FBXL2: variants seen among roughly 807,000 people sequenced by gnomAD.
FBXL2 encodes F-box/LRR-repeat protein 2.
In FBXL2, 38 loss-of-function variants were observed where a neutral mutation model predicts 69.2. The ratio of observed to expected loss-of-function variants is 0.55; its 90% confidence interval spans 0.42 to 0.72. The LOEUF is 0.72. Among genes scored for constraint, FBXL2 ranks in the 30% least tolerant of loss-of-function variants. FBXL2 has a pLI of 0.00. For missense variants in FBXL2, 354 were observed against 520.3 expected (o/e 0.68, Z 3.11); for synonymous variants, 192 against 201.3 (o/e 0.95, Z 0.39).
chr3:33,311,892 G>T (rs939108531), intron 2 of FBXL2, among the ~76,000 whole-genome samples: 5 of 152,008 alleles, frequency 3.3e-5, no homozygotes, highest in Admixed American at 6.5e-5. Context: ...CAAAGTGCTG[G>T]GATTACAGGC....
chr3:33,343,347 T>C lies in FBXL2; in HGVS notation c.66-15620T>C, dbSNP rs1255397197. Among the ~76,000 whole-genome samples the C allele has an allele frequency of 2.0e-5, 3 of 152,214 alleles. No homozygotes were observed. The East Asian group carries it at 5.8e-4, about 29-fold the overall frequency. ...TTTTGGTATACTTTCTAATCTTAAG[T>C]ATTATTTTTATAGATTTCAGTTGCT... On this transcript the variant is annotated intron_variant, in intron 2 of 14. Coordinates refer to ENST00000484457, the MANE Select transcript of FBXL2 (RefSeq NM_012157.5).
chr3:33,383,785 A>ACT (rs2043217010), intron 13 of FBXL2: 1 of 565,300 alleles, frequency 1.8e-6, no homozygotes, highest in African/African-American at 1.9e-5. Context: ...TTGTGCTGCT[A>ACT]CTACAGACTG....
intron 2 of FBXL2, among the ~76,000 whole-genome samples, chr3:33,313,468 T>C (rs2037395785): frequency 6.6e-6 from 1 of 152,040 alleles, no homozygotes; most frequent in Non-Finnish European, 1.5e-5. Context: ...GTTTAGAGAA[T>C]AGGGTCTCAC....
intron 1 of FBXL2, among the ~76,000 whole-genome samples, chr3:33,283,434 G>A (rs146260482): frequency 6.6e-6 from 1 of 152,288 alleles, no homozygotes; most frequent in East Asian, 1.9e-4. Flanking sequence ...TTGATGTGCT[G>A]CTGGATTCAG....
At chr3:33,290,641 A>G (rs201399416) in intron 1 of FBXL2, among the ~76,000 whole-genome samples, 1 of 152,244 alleles carries the variant, frequency 6.6e-6, no homozygotes, top group East Asian at 1.9e-4. Flanking sequence ...TGCACACAGC[A>G]GAAGAAAGCA....
intron 1 of FBXL2, among the ~76,000 whole-genome samples, chr3:33,290,564 G>A (rs1013376333): frequency 1.3e-5 from 2 of 152,140 alleles, no homozygotes; most frequent in African/African-American, 4.8e-5. Flanking sequence ...ATTTCTCCAA[G>A]TAGAAATGCT....
At chr3:33,388,277 C>CTTGA (rs1197573869), downstream of FBXL2, 1 of 152,444 alleles carries the variant, frequency 6.6e-6, no homozygotes, top group Non-Finnish European at 1.5e-5. Flanking sequence ...AGGGAAACTC[C>CTTGA]TTGATTCTAT....
At chr3:33,400,184 C>T (rs750550507) in intron 12 of FBXL2, 1 of 1,573,306 alleles carries the variant, frequency 6.4e-7, no homozygotes, top group Non-Finnish European at 8.6e-7. Flanking sequence ...CACACATACA[C>T]ATACCTGAAA....
rs1483259632 is a variant in FBXL2, at chr3:33,375,412, G to T, written c.782G>T (p.Arg261Leu). The T allele has an allele frequency of 1.2e-6, 2 of 1,613,848 alleles. No individual in the cohort carries two copies. The highest frequency in any genetic ancestry group is 1.7e-6 in the Non-Finnish European group (2 of 1,179,908). ...SLTALGLNCPRLQILEAARCS... is the reference protein window; with the variant it reads ...SLTALGLNCPLLQILEAARCS... Reference sequence around the variant, plus strand: ...ACAGCCCTGGGTTTGAACTGTCCGCGACTGCAGTGAGTACACTGCACTTTT... The same window carrying T: ...ACAGCCCTGGGTTTGAACTGTCCGCTACTGCAGTGAGTACACTGCACTTTT... The change falls in exon 10 of 15, where the codon CGA becomes CTA. Residue 261 changes from arginine (R) to leucine (L), a missense_variant. Physicochemically the swap from Arg to Leu is moderately radical, Grantham distance 102. Transcript: ENST00000484457.
intron 5 of FBXL2, 26 bp from the exon 6 acceptor site, chr3:33,373,066 A>G (rs1575383362): frequency 6.2e-7 from 1 of 1,609,298 alleles, no homozygotes; most frequent in African/African-American, 1.3e-5. Flanking sequence ...ACTTGCAGGG[A>G]GCTTTAAAAT....
intron 4 of FBXL2, among the ~76,000 whole-genome samples, chr3:33,361,007 C>G (rs1316091114): frequency 7.1e-6 from 1 of 140,670 alleles, no homozygotes; most frequent in African/African-American, 2.6e-5. Flanking sequence ...TCTCGGCTCA[C>G]TGCAAACTCC....
chr3:33,354,482 C>T lies in FBXL2; in HGVS notation c.66-4485C>T, dbSNP rs377285369. 5.7e-4 allele frequency among the ~76,000 whole-genome samples: 87 copies of T among 151,372 alleles called. 1 individual carries two copies. Among genetic ancestry groups the T allele is most frequent in the African/African-American group, 2.0e-3 (82 of 41,264 alleles). On this transcript the variant is annotated intron_variant, in intron 2 of 14. Coordinates refer to ENST00000484457, the MANE Select transcript of FBXL2 (RefSeq NM_012157.5). ...GAGCCGAGATCACGCCACTACACTC[C>T]AGCCTGGGTGACAGAGTGAGACTCC...
In FBXL2 at chr3:33,387,451, A is replaced by C. The variant is rs1233234704; in HGVS notation, c.*1843A>C. ...ACCCCATCTCTACTGAAAATACAAA[A>C]ATTAGCCGGGCGTGGTGCTGGGCAC... On this transcript the variant is annotated 3_prime_UTR_variant, in exon 15 of 15. Coordinates refer to ENST00000484457, the MANE Select transcript of FBXL2 (RefSeq NM_012157.5). 1.3e-5 allele frequency: 2 copies of C among 152,150 alleles called. No individual in the cohort carries two copies. Among genetic ancestry groups the C allele is most frequent in the Non-Finnish European group, 2.9e-5 (2 of 68,086 alleles). 9.4% of individuals were successfully genotyped at this position (152,150 alleles called of 1,614,324 possible).
intron 12 of FBXL2, chr3:33,402,923 ATAAAT>A (rs909236564): frequency 6.4e-7 from 1 of 1,571,600 alleles, no homozygotes; most frequent in Non-Finnish European, 8.7e-7. Context: ...AGAAACAGAA[ATAAAT>A]TAGTGATATG....
At chr3:33,348,549 T>G (rs1193635389) in intron 2 of FBXL2, among the ~76,000 whole-genome samples, 1 of 152,126 alleles carries the variant, frequency 6.6e-6, no homozygotes, top group African/African-American at 2.4e-5. Flanking sequence ...TTTGTGAAGA[T>G]TGTCATTCAT....
At chr3:33,415,821 G>A in the FBXL2 span, among the ~76,000 whole-genome samples, 1 of 152,012 alleles carries the variant, frequency 6.6e-6, no homozygotes, top group East Asian at 1.9e-4. Context: ...TGCTGAATAT[G>A]TTCTGCACAT....
chr3:33,377,926 A>G (rs994335247), intron 11 of FBXL2, among the ~76,000 whole-genome samples, 177 bp from the exon 12 acceptor site: 2 of 152,210 alleles, frequency 1.3e-5, no homozygotes, highest in African/African-American at 4.8e-5. Context: ...AAAGCACTGT[A>G]ACTCAAAAGG....
At chr3:33,344,662 A>G (rs1457567263) in intron 2 of FBXL2, among the ~76,000 whole-genome samples, 1 of 152,210 alleles carries the variant, frequency 6.6e-6, no homozygotes, top group East Asian at 1.9e-4. Flanking sequence ...TTACTTGAGC[A>G]TCAATTGGAA....
At chr3:33,302,280 C>G (rs1297855281) in intron 2 of FBXL2, among the ~76,000 whole-genome samples, 3 of 152,174 alleles carry the variant, frequency 2.0e-5, no homozygotes, top group African/African-American at 7.2e-5. Flanking sequence ...TTGCATACTA[C>G]TATCTTATAT....
Sources: gnomAD v4.1 joint callset for allele counts (sites outside exome capture counted in the v4.1 genomes callset) on GRCh38, gnomAD v4.1.1 for gene constraint, MANE v1.5 for transcripts, NCBI Gene and HGNC (gene_info 2026-07-23, HGNC 2026-07-21) for gene names.